The following SEPTIN14 variants were observed in gnomAD, a reference collection of about 807,000 sequenced individuals.
SEPTIN14 encodes the protein septin 14.
In SEPTIN14, 40 loss-of-function variants were observed where a neutral mutation model predicts 53.6. The ratio of observed to expected loss-of-function variants is 0.75; its 90% CI spans 0.58 to 0.97. SEPTIN14 has a LOEUF of 0.97. SEPTIN14 is among the 50% of genes least tolerant of loss of function. SEPTIN14 has a pLI of 0.00. For synonymous variants in SEPTIN14, 138 were observed against 166.8 expected, an observed-to-expected ratio of 0.83 and a Z score of 1.33; for missense variants, 471 against 508.2, an observed-to-expected ratio of 0.93 and a Z score of 0.70.
chr7:55,804,639 T>C (rs1341171394), intron 9 of SEPTIN14, among the ~76,000 whole-genome samples: 1 of 152,136 alleles, frequency 6.6e-6, no homozygotes, highest in African/African-American at 2.4e-5. Context: ...ATTCTGTTCT[T>C]ATGAAAAAGG....
chr7:55,803,877 C>A (rs1344779510), intron 9 of SEPTIN14, among the ~76,000 whole-genome samples: 1 of 151,322 alleles, frequency 6.6e-6, no homozygotes, highest in Admixed American at 6.6e-5. Context: ...GTAATCCCAG[C>A]ACTTTGGGAG....
chr7:55,831,254 G>A (rs559861940), intron 6 of SEPTIN14, among the ~76,000 whole-genome samples: 50 of 152,100 alleles, frequency 3.3e-4, no homozygotes, highest in Non-Finnish European at 5.4e-4. Context: ...TGCTAGGAAG[G>A]ATACAGCTTA....
At position 55,806,900 on chromosome 7, in the gene SEPTIN14, C is replaced by T. The variant is rs79043462; in HGVS notation, c.986+190G>A. Among the ~76,000 whole-genome samples the T allele has an allele frequency of 5.5e-3, 831 of 152,228 alleles. 3 individuals carry two copies. The highest frequency in any genetic ancestry group is 0.01 in the Middle Eastern group (3 of 294). On this transcript the variant is annotated intron_variant, in intron 8 of 9. Transcript: ENST00000388975. ...ATATTTCAGCATAAAAATGAGATCT[C>T]GCATTATATTGTTCCTACTATCTCT...
chr7:55,851,103 A>T (rs938067090), intron 2 of SEPTIN14, among the ~76,000 whole-genome samples: 1 of 152,196 alleles, frequency 6.6e-6, no homozygotes, highest in South Asian at 2.1e-4. Flanking sequence ...AACATTCTGC[A>T]ACTTGCTTTT....
intron 2 of SEPTIN14, among the ~76,000 whole-genome samples, chr7:55,860,864 G>T (rs1789731786): frequency 6.6e-6 from 1 of 152,116 alleles, no homozygotes; most frequent in Non-Finnish European, 1.5e-5. Flanking sequence ...CACCAAACCT[G>T]CTGGTGCTTT....
At chr7:55,843,841 C>T (rs1409993287) in intron 4 of SEPTIN14, among the ~76,000 whole-genome samples, 1 of 151,792 alleles carries the variant, frequency 6.6e-6, no homozygotes, top group Admixed American at 6.6e-5. Context: ...CAAAAAAAGA[C>T]AAAAAATAAC....
At chr7:55,810,475 C>CT (rs145847718) in intron 7 of SEPTIN14, among the ~76,000 whole-genome samples, 75,432 of 124,830 alleles carry the variant, frequency 0.6, 24,491 homozygotes, top group East Asian at 0.84. Context: ...TTTTGAAGTT[C>CT]TTTTTTTTTT....
intron 1 of SEPTIN14, 54 bp from the exon 2 acceptor site, chr7:55,862,065 C>T (rs1227076044): frequency 1.1e-5 from 12 of 1,093,656 alleles, no homozygotes; most frequent in Non-Finnish European, 1.6e-5. Context: ...AGGCTATATT[C>T]TTACTATATA....
In SEPTIN14 at chr7:55,837,034, G is replaced by T. The variant is rs147897159; in HGVS notation, c.559-2448C>A. On this transcript the variant is annotated intron_variant, in intron 5 of 9. Coordinates refer to ENST00000388975, the MANE Select transcript of SEPTIN14 (RefSeq NM_207366.3). ...TTTTGTTAGGGCTGAGTGCAGAAAA[G>T]AATCTGATAATATGACAATTTCCTT... is the stretch of plus-strand genomic sequence containing the variant. Among the ~76,000 whole-genome samples the T allele has an allele frequency of 2.8e-3, 424 of 151,550 alleles. 5 individuals are homozygous for T. Among genetic ancestry groups the T allele is most frequent in the Middle Eastern group, 0.01 (3 of 292 alleles).
At chr7:55,846,423 AATTAATAGCATCAAT>A (rs1477110863) in intron 3 of SEPTIN14, 79 bp downstream of exon 3, 7 of 825,804 alleles carry the variant, frequency 8.5e-6, no homozygotes, top group Admixed American at 2.8e-5. Context: ...GATATATTTG[AATTAATAGCATCAAT>A]GTTACACTGC....
chr7:55,834,607 C>G, intron 5 of SEPTIN14, 21 bp from the exon 6 acceptor site: 1 of 1,561,866 alleles, frequency 6.4e-7, no homozygotes, highest in South Asian at 1.2e-5. Flanking sequence ...AGAAGACAAA[C>G]AAAATCTCAT....
chr7:55,849,525 C>T (rs902440023), intron 2 of SEPTIN14, among the ~76,000 whole-genome samples: 14 of 151,968 alleles, frequency 9.2e-5, no homozygotes, highest in Middle Eastern at 3.2e-3. Context: ...GCAGGGAGAT[C>T]ACCTGAGGTC....
At position 55,805,820 on chromosome 7, in the gene SEPTIN14, T is replaced by G. The variant is rs118147396; in HGVS notation, c.987-430A>C. On this transcript the variant is annotated intron_variant, in intron 8 of 9. Coordinates refer to ENST00000388975, the MANE Select transcript of SEPTIN14 (RefSeq NM_207366.3). ...TTTTCATATCTTTTGACAATAACAT[T>G]CAGGGAAACCTCTAATGTATGAGAC... 2.6e-3 allele frequency among the ~76,000 whole-genome samples: 401 copies of G among 152,264 alleles called. 1 individual carries two copies. The highest frequency in any genetic ancestry group is 4.0e-3 in the Non-Finnish European group (275 of 68,020).
chr7:55,802,112 C>T (rs1236127934), intron 9 of SEPTIN14, among the ~76,000 whole-genome samples: 3 of 151,522 alleles, frequency 2.0e-5, no homozygotes, highest in African/African-American at 7.3e-5. Flanking sequence ...TCAAGCGATT[C>T]TCCTGCCTCA....
intron 9 of SEPTIN14, among the ~76,000 whole-genome samples, chr7:55,801,344 G>C (rs115053215): frequency 6.6e-6 from 1 of 151,898 alleles, no homozygotes; most frequent in African/African-American, 2.4e-5. Context: ...AATCAGAAAT[G>C]AAAGGTGACA....
In SEPTIN14 at chr7:55,843,087, G is replaced by A; in HGVS notation, c.413C>T (p.Ala138Val). 6.2e-7 allele frequency: 1 copy of A among 1,603,990 alleles called. No individual in the cohort carries two copies. ...IVDYIDAQFE[A>V]YLQEELKIKR... ...AATCTTCAGTTCTTCTTGAAGATAG[G>A]CCTCAAATTGGGCATCTATGTAGTC... The change falls in exon 5 of 10, where the codon GCC (alanine) becomes GTC (valine). Residue 138 changes from alanine (A) to valine (V), a missense_variant. Ala to Val is a moderately conservative substitution (Grantham distance 64). Transcript: ENST00000388975.
intron 9 of SEPTIN14, among the ~76,000 whole-genome samples, chr7:55,799,351 C>CAAAAAA (rs57842949): frequency 9.5e-6 from 1 of 104,818 alleles, no homozygotes; most frequent in African/African-American, 3.3e-5. Flanking sequence ...ACTAAAAATA[C>CAAAAAA]AAAAAAAAAA....
At chr7:55,829,842 A>AAAAAAAC (rs1789064306) in intron 6 of SEPTIN14, among the ~76,000 whole-genome samples, 1 of 149,486 alleles carries the variant, frequency 6.7e-6, no homozygotes, top group Non-Finnish European at 1.5e-5. Flanking sequence ...AAAAAAAAAA[A>AAAAAAAC]AAGCCTCTTC....
chr7:55,825,682 T>C (rs1043444021), intron 6 of SEPTIN14, among the ~76,000 whole-genome samples: 1 of 152,092 alleles, frequency 6.6e-6, no homozygotes, highest in African/African-American at 2.4e-5. Flanking sequence ...AAAAGAAGGA[T>C]GGGGCCGGGC....
Sources: gnomAD v4.1 joint callset for allele counts (sites outside exome capture counted in the v4.1 genomes callset) on GRCh38, gnomAD v4.1.1 for gene constraint, MANE v1.5 for transcripts, NCBI Gene and HGNC (gene_info 2026-07-23, HGNC 2026-07-21) for gene names.